The following GNPTAB variants were observed in gnomAD, a reference collection of about 807,000 sequenced individuals.
The protein encoded by GNPTAB is N-acetylglucosamine-1-phosphotransferase subunits alpha/beta.
A neutral mutation model predicts 136.6 loss-of-function variants in GNPTAB; 92 were observed. The ratio of observed to expected loss-of-function variants is 0.67; its 90% CI spans 0.57 to 0.80. The LOEUF (loss-of-function observed/expected upper bound fraction) is 0.80. Ranked by LOEUF, GNPTAB falls within the 30% of genes least tolerant of loss-of-function variation. The pLI is 0.00. For missense variants in GNPTAB, 1,343 were observed against 1,501.8 expected (o/e 0.89, Z 1.75); for synonymous variants, 512 against 535.1 (o/e 0.96, Z 0.60).
intron 1 of GNPTAB, among the ~76,000 whole-genome samples, chr12:101,819,076 A>G (rs905085467): frequency 1.3e-5 from 2 of 151,418 alleles, no homozygotes; most frequent in African/African-American, 2.4e-5. Context: ...CAATGACACG[A>G]TCTTGGCTTA....
Position 101,800,980 on chromosome 12 carries a change from A to G in GNPTAB, c.118-4218T>C, listed in dbSNP as rs542386628. On this transcript the variant is annotated intron_variant, in intron 1 of 20. Transcript: ENST00000299314. ...AGGGCCAGGTGGCTGACGCCTGTAA[A>G]GCCAGCACTTTCGGAGGCTGAGGTG... 2.0e-5 allele frequency among the ~76,000 whole-genome samples: 3 copies of G among 151,918 alleles called. No homozygotes were observed. The East Asian group carries it at 5.9e-4, about 30-fold the overall frequency.
At chr12:101,765,432 G>C (rs1359244521) in intron 12 of GNPTAB, 128 bp from the exon 13 acceptor site, 1 of 712,436 alleles carries the variant, frequency 1.4e-6, no homozygotes, top group African/African-American at 1.8e-5. Context: ...TCATGAATTT[G>C]CATGTCGTCC....
rs956686617 is a variant in GNPTAB at position 101,747,109 on chromosome 12, G to A, written c.*55C>T. On this transcript the variant is annotated 3_prime_UTR_variant, in exon 21 of 21. Transcript: ENST00000299314. ...ATCACAAAGACATCTCTGTGAAGCTGAGTTTTAAAATGCTCAGTAAATGCT... is the reference window on the plus strand; with the variant it reads ...ATCACAAAGACATCTCTGTGAAGCTAAGTTTTAAAATGCTCAGTAAATGCT... 9.9e-7 allele frequency: 1 copy of A among 1,007,302 alleles called. No individual in the cohort carries two copies. The highest frequency in any genetic ancestry group is 1.6e-5 in the African/African-American group (1 of 63,384). 62.4% of individuals were successfully genotyped at this position (1,007,302 alleles called of 1,614,324 possible).
rs568071107 is a variant in GNPTAB, at chr12:101,804,716, C to T, written c.118-7954G>A. Among the ~76,000 whole-genome samples, 3 of 152,346 alleles carry T rather than the reference C, an allele frequency of 2.0e-5. No homozygotes were observed. In the East Asian group the frequency reaches 5.8e-4, roughly 29 times the overall value. On this transcript the variant is annotated intron_variant, in intron 1 of 20. Coordinates refer to ENST00000299314, the MANE Select transcript of GNPTAB (RefSeq NM_024312.5). ...CACCATAATGGGCCAAATAGAAATA[C>T]AGATTTTGGTCACGGCACTAAGTTT...
intron 8 of GNPTAB, 114 bp from the exon 9 acceptor site, chr12:101,770,699 A>T: frequency 1.3e-6 from 1 of 787,954 alleles, no homozygotes; most frequent in South Asian, 1.5e-5. Context: ...AGACTTTTAA[A>T]GATGGAGTCC....
At position 101,764,951 on chromosome 12, in the gene GNPTAB, T is replaced by C. The variant is rs779348671; in HGVS notation, c.1966A>G (p.Ile656Val). Residue 656 changes from isoleucine to valine, a missense_variant, in exon 13 of 21, where the codon ATA becomes GTA. Ile to Val is a conservative substitution (Grantham distance 29). Transcript: ENST00000299314. ...QKGYENLVSP[I>V]TLLPEAEILF... Reference sequence around the variant, plus strand: ...ATTTCCGCCTCTGGAAGAAGTGTTATGGGACTAACTAAATTTTCGTAACCC... The same window carrying C: ...ATTTCCGCCTCTGGAAGAAGTGTTACGGGACTAACTAAATTTTCGTAACCC... 8 of 1,614,242 alleles carry C rather than the reference T, an allele frequency of 5.0e-6. No homozygotes were observed. Among genetic ancestry groups the C allele is most frequent in the Non-Finnish European group, 6.8e-6 (8 of 1,180,032 alleles).
intron 20 of GNPTAB, among the ~76,000 whole-genome samples, chr12:101,747,755 C>CT (rs1952755705): frequency 8.6e-6 from 1 of 115,662 alleles, no homozygotes; most frequent in African/African-American, 3.6e-5. Context: ...GCATTGGCTG[C>CT]TTTGTTTGTG....
At chr12:101,788,255 G>T (rs1195342263) in intron 4 of GNPTAB, among the ~76,000 whole-genome samples, 1 of 152,188 alleles carries the variant, frequency 6.6e-6, no homozygotes, top group Non-Finnish European at 1.5e-5. Flanking sequence ...AAGATACAGT[G>T]TAAGTGGACC....
At chr12:101,758,264 C>T (rs1028855207) in intron 16 of GNPTAB, among the ~76,000 whole-genome samples, 4 of 152,210 alleles carry the variant, frequency 2.6e-5, no homozygotes, top group Non-Finnish European at 4.4e-5. Flanking sequence ...GTCTCGAACT[C>T]CTGACCTCAA....
intron 19 of GNPTAB, among the ~76,000 whole-genome samples, chr12:101,749,830 G>T (rs73392457): frequency 6.6e-6 from 1 of 152,204 alleles, no homozygotes; most frequent in African/African-American, 2.4e-5. Flanking sequence ...GCGGCAGCAT[G>T]GGGGGAACTA....
chr12:101,763,815 A>G (rs1449820475), intron 13 of GNPTAB, among the ~76,000 whole-genome samples: 1 of 152,198 alleles, frequency 6.6e-6, no homozygotes, highest in Non-Finnish European at 1.5e-5. Flanking sequence ...TTGCTGTTAT[A>G]ATGTTGGGGA....
intron 1 of GNPTAB, among the ~76,000 whole-genome samples, chr12:101,824,432 A>ATATATATATATT (rs1188582277): frequency 1.6e-4 from 8 of 50,842 alleles, no homozygotes; most frequent in Admixed American, 4.6e-4. Context: ...ATATATATAT[A>ATATATATATATT]TTTTCTTTTT....
At chr12:101,770,957 C>T (rs1452536088) in intron 8 of GNPTAB, 39 bp downstream of exon 8, 1 of 1,591,890 alleles carries the variant, frequency 6.3e-7, no homozygotes, top group Non-Finnish European at 8.6e-7. Context: ...ACATCTTAAC[C>T]TTTGATTTGG....
In GNPTAB at chr12:101,753,324, T is replaced by G. The variant is rs181429444; in HGVS notation, c.3602+48A>C. 16 of 1,378,114 alleles carry G rather than the reference T, an allele frequency of 1.2e-5. No individual in the cohort carries two copies. The East Asian group carries it at 3.6e-4, about 31-fold the overall frequency. The allele number at this position is 1,378,114 out of a possible 1,614,324, so 85.4% of individuals were successfully genotyped here. A position where few individuals can be genotyped will look rare whatever the true frequency, so the allele number is the denominator to read the frequency against. ...TCACTAACATATAGATACATATGCATGTATACACTCACCCACACACATGCA... is the reference window on the plus strand; with the variant it reads ...TCACTAACATATAGATACATATGCAGGTATACACTCACCCACACACATGCA... On this transcript the variant is annotated intron_variant, in intron 19 of 20. Transcript: ENST00000299314.
At chr12:101,830,431 C>G in intron 1 of GNPTAB, 128 bp downstream of exon 1, 1 of 658,632 alleles carries the variant, frequency 1.5e-6, no homozygotes, top group Non-Finnish European at 2.8e-6. Flanking sequence ...TCGAGACCAG[C>G]CTGGGCAACA....
intron 1 of GNPTAB, among the ~76,000 whole-genome samples, chr12:101,810,830 GT>G (rs1870192341): frequency 6.6e-6 from 1 of 152,136 alleles, no homozygotes; most frequent in Non-Finnish European, 1.5e-5. Flanking sequence ...CAAGTGAAGT[GT>G]TACAGCTGAG....
chr12:101,772,844 T>C (rs1225918759), intron 7 of GNPTAB, among the ~76,000 whole-genome samples: 1 of 152,164 alleles, frequency 6.6e-6, no homozygotes, highest in Admixed American at 6.5e-5. Context: ...TGAGACGGAG[T>C]CTGACTCTGT....
At chr12:101,822,548 T>A (rs1054153600) in intron 1 of GNPTAB, among the ~76,000 whole-genome samples, 1 of 152,150 alleles carries the variant, frequency 6.6e-6, no homozygotes, top group Non-Finnish European at 1.5e-5. Context: ...ACAGGAGGGA[T>A]CAGAAACAGG....
intron 20 of GNPTAB, among the ~76,000 whole-genome samples, chr12:101,747,813 CAG>C (rs1158647520): frequency 6.6e-6 from 1 of 151,840 alleles, no homozygotes; most frequent in Admixed American, 6.6e-5. Context: ...CAGTAGAGAG[CAG>C]AGTGTTGGGA....
Sources: allele counts gnomAD v4.1 joint callset (sites outside exome capture counted in the v4.1 genomes callset), GRCh38; gene constraint gnomAD v4.1.1; transcripts MANE v1.5; gene names NCBI Gene and HGNC (gene_info 2026-07-23, HGNC 2026-07-21).